TSPAN12: variants seen among roughly 807,000 people sequenced by gnomAD.
TSPAN12 encodes the protein tetraspanin 12.
In TSPAN12, 19 loss-of-function variants were observed where a neutral mutation model predicts 39.2. That is an observed-to-expected ratio of 0.49 (90% CI 0.34 to 0.71). TSPAN12 has a LOEUF of 0.71. Ranked by LOEUF, TSPAN12 falls within the 30% of genes least tolerant of loss-of-function variation. The pLI is 0.01. For synonymous variants in TSPAN12, 119 were observed against 124.8 expected (o/e 0.95, Z 0.31); for missense variants, 314 against 359.9 (o/e 0.87, Z 1.03).
intron 7 of TSPAN12, among the ~76,000 whole-genome samples, chr7:120,796,702 G>C (rs188544812): frequency 2.3e-4 from 35 of 152,174 alleles, no homozygotes; most frequent in Admixed American, 1.8e-3. Context: ...TTCTGTCCCT[G>C]GCTGCATACA....
chr7:120,846,245 G>A (rs1022889878), intron 2 of TSPAN12, among the ~76,000 whole-genome samples: 4 of 152,182 alleles, frequency 2.6e-5, no homozygotes, highest in Non-Finnish European at 4.4e-5. Context: ...CATTCAACAT[G>A]AGATTTGGCA....
chr7:120,797,536 T>C (rs1275401180), intron 7 of TSPAN12, among the ~76,000 whole-genome samples: 6 of 152,336 alleles, frequency 3.9e-5, no homozygotes, highest in East Asian at 1.9e-4. Flanking sequence ...AAAATCCATA[T>C]CTCTAGCTGA....
intron 7 of TSPAN12, among the ~76,000 whole-genome samples, chr7:120,800,143 G>C (rs987442928): frequency 1.3e-5 from 2 of 152,098 alleles, no homozygotes; most frequent in South Asian, 4.2e-4. Context: ...AGAGTATAGA[G>C]GAGACAGGTG....
intron 4 of TSPAN12, 138 bp from the exon 5 acceptor site, chr7:120,815,941 GA>G (rs1335793568): frequency 2.9e-6 from 2 of 694,192 alleles, no homozygotes; most frequent in Non-Finnish European, 5.0e-6. Flanking sequence ...AGCAGATGGG[GA>G]AATTATCAGC....
chr7:120,810,438 C>G, intron 6 of TSPAN12, 25 bp downstream of exon 6: 3 of 1,422,186 alleles, frequency 2.1e-6, no homozygotes, highest in Non-Finnish European at 3.0e-6. Flanking sequence ...TTCACTCTCT[C>G]TACCTCAGAA....
intron 5 of TSPAN12, among the ~76,000 whole-genome samples, chr7:120,812,898 AAAT>A (rs1160911878): frequency 6.6e-6 from 1 of 152,248 alleles, no homozygotes; most frequent in Non-Finnish European, 1.5e-5. Flanking sequence ...AAAAAACCAG[AAAT>A]AATGAGAAAA....
At chr7:120,821,429 T>TAA (rs57157669) in intron 4 of TSPAN12, among the ~76,000 whole-genome samples, 43 of 142,748 alleles carry the variant, frequency 3.0e-4, no homozygotes, top group Non-Finnish European at 5.2e-4. Flanking sequence ...CTTGTTGACT[T>TAA]AAAAAAAAAA....
chr7:120,849,692 C>G (rs535810588), intron 2 of TSPAN12, among the ~76,000 whole-genome samples: 21 of 152,258 alleles, frequency 1.4e-4, no homozygotes, highest in African/African-American at 4.6e-4. Flanking sequence ...TTTTTATTGG[C>G]TAATCTTGAA....
chr7:120,854,230 G>C (rs1258467315), intron 2 of TSPAN12, among the ~76,000 whole-genome samples: 1 of 152,066 alleles, frequency 6.6e-6, no homozygotes, highest in Non-Finnish European at 1.5e-5. Context: ...TTATTTCTAG[G>C]GAACAGATAC....
chr7:120,824,502 C>T (rs1387138406), intron 4 of TSPAN12, among the ~76,000 whole-genome samples: 2 of 151,728 alleles, frequency 1.3e-5, no homozygotes, highest in African/African-American at 4.8e-5. Context: ...GAACTATTTT[C>T]CATGTTCGTT....
Position 120,787,900 on chromosome 7 carries a change from G to C in TSPAN12, c.*692C>G, listed in dbSNP as rs1417755956. The stretch of plus-strand genomic sequence containing the variant: ...ATTAACAGGAAAGGCTAAAAATAAT[G>C]ATGCTATACAGGACAAATTTTCCTT... On this transcript the variant is annotated 3_prime_UTR_variant, in exon 8 of 8. Coordinates refer to ENST00000222747, the MANE Select transcript of TSPAN12 (RefSeq NM_012338.4). 6.6e-6 allele frequency: 1 copy of C among 152,664 alleles called. No homozygotes were observed. The highest frequency in any genetic ancestry group is 2.4e-5 in the African/African-American group (1 of 41,440). 9.5% of individuals were successfully genotyped at this position (152,664 alleles called of 1,614,324 possible). A position where few individuals can be genotyped will look rare whatever the true frequency, so the allele number is the denominator to read the frequency against.
intron 7 of TSPAN12, among the ~76,000 whole-genome samples, chr7:120,791,305 G>C (rs1243245210): frequency 6.6e-6 from 1 of 151,882 alleles, no homozygotes; most frequent in East Asian, 1.9e-4. Flanking sequence ...CTCCAGCCTG[G>C]GCAACAGAGG....
At chr7:120,818,860 A>T (rs1311767785) in intron 4 of TSPAN12, among the ~76,000 whole-genome samples, 1 of 152,126 alleles carries the variant, frequency 6.6e-6, no homozygotes, top group Admixed American at 6.6e-5. Flanking sequence ...TCAGCCTTAA[A>T]AGTATGATTA....
chr7:120,809,460 G>A (rs1793936690), intron 6 of TSPAN12, among the ~76,000 whole-genome samples: 1 of 152,144 alleles, frequency 6.6e-6, no homozygotes, highest in South Asian at 2.1e-4. Context: ...GTGTTACAAT[G>A]ATAATTTTTA....
At chr7:120,847,244 A>T (rs118022204) in intron 2 of TSPAN12, among the ~76,000 whole-genome samples, 1 of 151,282 alleles carries the variant, frequency 6.6e-6, no homozygotes, top group Non-Finnish European at 1.5e-5. Context: ...AAAAAAAAAA[A>T]AAACAAAAAA....
At chr7:120,800,188 GT>G (rs1793739008) in intron 7 of TSPAN12, among the ~76,000 whole-genome samples, 4 of 152,030 alleles carry the variant, frequency 2.6e-5, no homozygotes, top group Admixed American at 2.6e-4. Flanking sequence ...AGGGCTCAGA[GT>G]GTGAATTCAT....
At chr7:120,807,795 T>C (rs891996553) in intron 6 of TSPAN12, among the ~76,000 whole-genome samples, 1 of 152,130 alleles carries the variant, frequency 6.6e-6, no homozygotes, top group African/African-American at 2.4e-5. Flanking sequence ...AAAAAAATCA[T>C]CTTAAGAGTA....
At chr7:120,807,539 G>A (rs1156572861) in intron 6 of TSPAN12, among the ~76,000 whole-genome samples, 1 of 152,016 alleles carries the variant, frequency 6.6e-6, no homozygotes, top group African/African-American at 2.4e-5. Context: ...CAGAAACAAG[G>A]ACTATGGGCA....
chr7:120,839,983 T>A (rs756542822), intron 3 of TSPAN12, 44 bp downstream of exon 3: 7 of 1,539,966 alleles, frequency 4.5e-6, no homozygotes, highest in Non-Finnish European at 6.3e-6. Context: ...CAAAGTTACT[T>A]AAAATCAGCA....
Sources: allele counts gnomAD v4.1 joint callset (sites outside exome capture counted in the v4.1 genomes callset), GRCh38; gene constraint gnomAD v4.1.1; transcripts MANE v1.5; gene names NCBI Gene and HGNC (gene_info 2026-07-23, HGNC 2026-07-21).